SAMD3: variants seen among roughly 807,000 people sequenced by gnomAD.
SAMD3 encodes sterile alpha motif domain containing 3.
A neutral mutation model predicts 58.5 loss-of-function variants in SAMD3; 63 were observed. The ratio of observed to expected loss-of-function variants is 1.08; its 90% confidence interval spans 0.88 to 1.33. The LOEUF (loss-of-function observed/expected upper bound fraction) is 1.33. SAMD3 is among the 40% of genes most tolerant of loss of function. The pLI is 0.00. For synonymous variants in SAMD3, 220 were observed against 210.3 expected (o/e 1.05, Z -0.40); for missense variants, 604 against 608.4 (o/e 0.99, Z 0.08).
chr6:130,218,138 A>T (rs575310213), intron 1 of SAMD3, among the ~76,000 whole-genome samples: 1 of 152,332 alleles, frequency 6.6e-6, no homozygotes, highest in South Asian at 2.1e-4. Context: ...TATTAGGCTC[A>T]CAGACACTTT....
intron 1 of SAMD3, among the ~76,000 whole-genome samples, chr6:130,330,956 G>A (rs1776914918): frequency 6.6e-6 from 1 of 152,202 alleles, no homozygotes; most frequent in Admixed American, 6.5e-5. Flanking sequence ...ACAGAATACG[G>A]ATGAGTTTAG....
At chr6:130,257,947 T>A (rs112421238) in intron 2 of SAMD3, among the ~76,000 whole-genome samples, 16 of 152,308 alleles carry the variant, frequency 1.1e-4, no homozygotes, top group African/African-American at 3.1e-4. Context: ...CACTTATATC[T>A]GTGACATCTG....
chr6:130,215,352 T>C (rs1795943425), intron 2 of SAMD3, 58 bp from the exon 3 acceptor site: 1 of 1,336,556 alleles, frequency 7.5e-7, no homozygotes, highest in Non-Finnish European at 1.0e-6. Flanking sequence ...TGCCTTAATT[T>C]TTTTTTTAAC....
rs150708508 is a variant in SAMD3, at chr6:130,199,254, C to T, written c.383+10241G>A. On this transcript the variant is annotated intron_variant, in intron 5 of 11. Transcript: ENST00000439090. ...CTGAACTGAAAGAAATTGTGCCCCA[C>T]AAGTGGCTGTATTGTGGCATCCCAT... is the stretch of plus-strand genomic sequence containing the variant. Among the ~76,000 whole-genome samples the T allele has an allele frequency of 2.6e-5, 4 of 152,330 alleles. No homozygotes were observed. The East Asian group carries it at 7.7e-4, about 29-fold the overall frequency.
intron 4 of SAMD3, 95 bp downstream of exon 4, chr6:130,214,242 C>A: frequency 1.0e-6 from 1 of 999,278 alleles, no homozygotes. Flanking sequence ...AAAACGGTCA[C>A]AGTTTTCCAA....
At chr6:130,242,733 A>G (rs1393803532) in intron 2 of SAMD3, among the ~76,000 whole-genome samples, 1 of 152,224 alleles carries the variant, frequency 6.6e-6, no homozygotes, top group African/African-American at 2.4e-5. Flanking sequence ...TGCTCAAATC[A>G]GGAAGCTGAG....
intron 2 of SAMD3, among the ~76,000 whole-genome samples, chr6:130,255,531 G>A (rs570953253): frequency 1.4e-4 from 21 of 152,212 alleles, no homozygotes; most frequent in East Asian, 1.2e-3. Context: ...TGAATTGATC[G>A]CTTTTCTACA....
chr6:130,194,609 T>C (rs915187928), intron 5 of SAMD3, among the ~76,000 whole-genome samples: 2 of 152,192 alleles, frequency 1.3e-5, no homozygotes, highest in Non-Finnish European at 2.9e-5. Flanking sequence ...TCCCAGGAGC[T>C]TGCTACAAGT....
At chr6:130,269,720 G>A (rs7750408) in intron 2 of SAMD3, among the ~76,000 whole-genome samples, 21,819 of 149,488 alleles carry the variant, frequency 0.15, 4,172 homozygotes, top group African/African-American at 0.45. Context: ...AAATGTTTCT[G>A]TTCTTAACAC....
At chr6:130,220,067 T>C (rs1796154991) in intron 1 of SAMD3, among the ~76,000 whole-genome samples, 1 of 152,230 alleles carries the variant, frequency 6.6e-6, no homozygotes, top group Admixed American at 6.5e-5. Flanking sequence ...AGTGGCACTA[T>C]CTCGGCTCAT....
At position 130,214,341 on chromosome 6, in the gene SAMD3, G is replaced by A. The variant is rs991510398; in HGVS notation, c.265C>T (p.Arg89Ter). The change falls in exon 4 of 12, where the codon CGA becomes TGA. Residue 89 changes from arginine to a stop codon, truncating the protein, a stop_gained. Coordinates refer to ENST00000439090, the MANE Select transcript of SAMD3 (RefSeq NM_001017373.4). LOFTEE classifies it high-confidence loss of function. ...AALVMQTEAA[R>*]DYRDEESSSP... ...GCCATTTATGAACATACTCACTCTC[G>A]AGCTGCTTCTGTTTGCATGACCAGG... 1.3e-6 allele frequency: 2 copies of A among 1,586,800 alleles called. No individual in the cohort carries two copies. Among genetic ancestry groups the A allele is most frequent in the South Asian group, 1.2e-5 (1 of 86,136 alleles).
At chr6:130,263,364 C>T (rs1477501234) in intron 2 of SAMD3, among the ~76,000 whole-genome samples, 1 of 152,078 alleles carries the variant, frequency 6.6e-6, no homozygotes, top group Admixed American at 6.5e-5. Context: ...TTCCGGTAAA[C>T]CAGAGCCAGC....
chr6:130,247,807 T>C (rs1583003160), intron 2 of SAMD3, among the ~76,000 whole-genome samples: 2 of 152,356 alleles, frequency 1.3e-5, no homozygotes. Flanking sequence ...ATTAGATGAA[T>C]GTTATTATTA....
At chr6:130,307,943 G>A (rs534501009) in intron 2 of SAMD3, among the ~76,000 whole-genome samples, 21 of 152,142 alleles carry the variant, frequency 1.4e-4, no homozygotes, top group Non-Finnish European at 2.2e-4. Context: ...ATAGATGTAT[G>A]TGGCCAAACA....
chr6:130,305,201 G>A (rs994889051), intron 2 of SAMD3, among the ~76,000 whole-genome samples: 1 of 151,910 alleles, frequency 6.6e-6, no homozygotes, highest in Non-Finnish European at 1.5e-5. Flanking sequence ...CTCCCAAAGT[G>A]TAAAATTACA....
rs1250501119 is a variant in SAMD3, at chr6:130,284,940, T to C, written c.-188+28038A>G. On this transcript the variant is annotated intron_variant, in intron 2 of 13. Coordinates refer to the SAMD3 transcript ENST00000368134. ...GAGATAAATGCTTGTTCCATAATAG[T>C]AGAGTAAGCAGACATGTAAAATTCT... is the stretch of plus-strand genomic sequence containing the variant. 2.0e-5 allele frequency among the ~76,000 whole-genome samples: 3 copies of C among 152,168 alleles called. No homozygotes were observed. The East Asian group carries it at 5.8e-4, about 29-fold the overall frequency.
At chr6:130,314,933 A>G (rs1411053996) in intron 1 of SAMD3, among the ~76,000 whole-genome samples, 1 of 152,212 alleles carries the variant, frequency 6.6e-6, no homozygotes, top group East Asian at 1.9e-4. Context: ...CAGTACTTTA[A>G]AAAGTATTAG....
At chr6:130,230,938 G>A (rs892995865) in intron 2 of SAMD3, among the ~76,000 whole-genome samples, 1 of 152,152 alleles carries the variant, frequency 6.6e-6, no homozygotes. Context: ...TCACCTGGGG[G>A]AAGAGTCTCA....
intron 5 of SAMD3, among the ~76,000 whole-genome samples, chr6:130,195,503 C>T (rs896139475): frequency 2.6e-5 from 4 of 152,192 alleles, no homozygotes; most frequent in African/African-American, 7.2e-5. Flanking sequence ...AATTGTTTTG[C>T]CTATCCACCC....
Sources: gnomAD v4.1 joint callset for allele counts (sites outside exome capture counted in the v4.1 genomes callset) on GRCh38, gnomAD v4.1.1 for gene constraint, MANE v1.5 for transcripts, NCBI Gene and HGNC (gene_info 2026-07-23, HGNC 2026-07-21) for gene names.